HYDIN: variants seen among roughly 807,000 people sequenced by gnomAD.
HYDIN encodes the protein axonemal central pair apparatus protein HYDIN.
In HYDIN, 132 loss-of-function variants were observed where a neutral mutation model predicts 403.9. The ratio of observed to expected loss-of-function variants is 0.33; its 90% CI spans 0.28 to 0.38. HYDIN has a LOEUF of 0.38. Among genes scored for constraint, HYDIN ranks in the 10% least tolerant of loss-of-function variants. The pLI, the probability that HYDIN is intolerant of heterozygous loss-of-function variation, is 1.00. For synonymous variants in HYDIN, 1,202 were observed against 1,891.7 expected (o/e 0.64, Z 9.46); for missense variants, 2,827 against 5,009.5 (o/e 0.56, Z 13.15).
At chr16:71,202,989 C>A (rs1364526618) in intron 1 of HYDIN, among the ~76,000 whole-genome samples, 1 of 152,132 alleles carries the variant, frequency 6.6e-6, no homozygotes, top group Admixed American at 6.5e-5. Flanking sequence ...CATAATCCTT[C>A]CCTTGAATGA....
Position 70,847,118 on chromosome 16 carries a change from A to T in HYDIN, c.12873+2608T>A, listed in dbSNP as rs554428918. On this transcript the variant is annotated intron_variant, in intron 75 of 85. Transcript: ENST00000393567. ...AGCTGGTGATTTTGCTCGTTAGTTG[A>T]TGCAGTTTCTTCCTAGTCTCGATGG... Among the ~76,000 whole-genome samples, 743 of 151,588 alleles carry T rather than the reference A, an allele frequency of 4.9e-3. 6 individuals are homozygous for T. The highest frequency in any genetic ancestry group is 0.017 in the African/African-American group (716 of 41,316).
chr16:71,201,411 G>C (rs1192618709), intron 1 of HYDIN, among the ~76,000 whole-genome samples: 1 of 152,064 alleles, frequency 6.6e-6, no homozygotes, highest in East Asian at 1.9e-4. Context: ...TTACTATCCT[G>C]CATCCATCCC....
chr16:71,031,006 C>A (rs2080886938), intron 19 of HYDIN, among the ~76,000 whole-genome samples: 1 of 151,124 alleles, frequency 6.6e-6, no homozygotes, highest in Non-Finnish European at 1.5e-5. Context: ...CGAGACCATC[C>A]TGGCTAACAC....
intron 1 of HYDIN, among the ~76,000 whole-genome samples, chr16:71,203,146 T>C (rs1447719614): frequency 1.3e-5 from 2 of 152,140 alleles, no homozygotes; most frequent in African/African-American, 2.4e-5. Flanking sequence ...GCAGGGTGGA[T>C]AGATGCATAG....
At chr16:70,854,563 C>A (rs541753396) in intron 73 of HYDIN, among the ~76,000 whole-genome samples, 2 of 150,206 alleles carry the variant, frequency 1.3e-5, no homozygotes, top group Non-Finnish European at 3.0e-5. Context: ...TACAGGCGCC[C>A]GCCAACACGC....
At chr16:71,092,636 A>C (rs1568140370) in intron 11 of HYDIN, among the ~76,000 whole-genome samples, 2 of 150,068 alleles carry the variant, frequency 1.3e-5, no homozygotes, top group Admixed American at 6.6e-5. Context: ...GCTGGAGTGC[A>C]GTGGCGCGAT....
chr16:71,177,160 C>G (rs966523389), intron 4 of HYDIN, among the ~76,000 whole-genome samples: 1 of 152,224 alleles, frequency 6.6e-6, no homozygotes, highest in African/African-American at 2.4e-5. Context: ...TCCATGAGAA[C>G]TGAGTGTCTG....
intron 64 of HYDIN, among the ~76,000 whole-genome samples, chr16:70,872,583 C>T (rs1444173429): frequency 2.0e-5 from 3 of 150,458 alleles, no homozygotes; most frequent in Non-Finnish European, 4.4e-5. Context: ...CCATCATCAT[C>T]CATCCACCCA....
intron 10 of HYDIN, among the ~76,000 whole-genome samples, chr16:71,107,879 T>C (rs918014280): frequency 9.2e-5 from 14 of 152,174 alleles, no homozygotes; most frequent in Admixed American, 5.9e-4. Context: ...TATATGTTCA[T>C]TGCAGCACTA....
intron 75 of HYDIN, among the ~76,000 whole-genome samples, chr16:70,843,193 TC>T (rs2037955664): frequency 1.2e-5 from 1 of 82,888 alleles, no homozygotes; most frequent in African/African-American, 4.6e-5. Context: ...CCCTCCCCCC[TC>T]CCCCCACCCC....
At chr16:71,115,323 C>G (rs1443034162) in intron 10 of HYDIN, among the ~76,000 whole-genome samples, 1 of 152,170 alleles carries the variant, frequency 6.6e-6, no homozygotes, top group African/African-American at 2.4e-5. Context: ...TCCTCTTTGC[C>G]TTTCACCATG....
intron 3 of HYDIN, among the ~76,000 whole-genome samples, chr16:71,182,679 G>A (rs1459160122): frequency 6.6e-6 from 1 of 152,128 alleles, no homozygotes; most frequent in Non-Finnish European, 1.5e-5. Context: ...CATACATTAA[G>A]CTGACTATAT....
rs74025408 is a variant in HYDIN at position 71,052,195 on chromosome 16, A to G, written c.2529+8309T>C. Among the ~76,000 whole-genome samples the G allele has an allele frequency of 7.7e-3, 1,168 of 152,356 alleles. 8 individuals are homozygous for G. Among genetic ancestry groups the G allele is most frequent in the African/African-American group, 0.027 (1,114 of 41,574 alleles). ...CAAGCTGTTGAGGATCATGTAAAAT[A>G]ATACATACAAAAGGACTTAGAACAG... On this transcript the variant is annotated intron_variant, in intron 18 of 85. Transcript: ENST00000393567.
At chr16:70,896,459 C>T (rs2143735847) in intron 53 of HYDIN, among the ~76,000 whole-genome samples, 1 of 152,258 alleles carries the variant, frequency 6.6e-6, no homozygotes, top group African/African-American at 2.4e-5. Flanking sequence ...CTCAAGCCAT[C>T]CTCCCATCTC....
At chr16:70,813,902 T>G in intron 84 of HYDIN, among the ~76,000 whole-genome samples, 1 of 152,148 alleles carries the variant, frequency 6.6e-6, no homozygotes, top group Non-Finnish European at 1.5e-5. Context: ...TAGGATGCTC[T>G]GATATTGGCA....
chr16:71,230,636 C>G lies in HYDIN; in HGVS notation c.-98G>C. The G allele has an allele frequency of 6.5e-7, 1 of 1,535,996 alleles. No individual in the cohort carries two copies. Among genetic ancestry groups the G allele is most frequent in the African/African-American group, 1.4e-5 (1 of 73,148 alleles). On this transcript the variant is annotated 5_prime_UTR_variant, in exon 1 of 86. Transcript: ENST00000393567. ...GACCCCGCGTCCAACTCACAGACCC[C>G]GCCGCCGCTGAGGGGCTCCATACCC...
intron 75 of HYDIN, among the ~76,000 whole-genome samples, chr16:70,846,144 T>A (rs1400881749): frequency 1.4e-5 from 2 of 147,932 alleles, no homozygotes; most frequent in Non-Finnish European, 3.0e-5. Context: ...AGGGTGTCAA[T>A]TTTGGATCTT....
rs2078523334 is a variant in HYDIN, at chr16:70,964,806, C to T, written c.5710G>A (p.Glu1904Lys). The T allele has an allele frequency of 1.1e-5, 18 of 1,577,638 alleles. No homozygotes were observed. Among genetic ancestry groups the T allele is most frequent in the South Asian group, 2.2e-5 (2 of 90,248 alleles). The change falls in exon 37 of 86, where the codon GAG (glutamate) becomes AAG (lysine). Residue 1904 changes from glutamate (E) to lysine (K), a missense_variant. By Grantham distance (56) the Glu-to-Lys change is moderately conservative. Transcript: ENST00000393567. ...GACTTCTTTATCTCTTTGAAGTACT[C>T]GTACAGTTCTGGGGGCAGCTTCTCC... ...PGEKLPPELYEYFKEIKKSKE... is the reference protein window; with the variant it reads ...PGEKLPPELYKYFKEIKKSKE...
chr16:70,851,076 C>T (rs1394574), intron 73 of HYDIN, among the ~76,000 whole-genome samples: 10,455 of 151,634 alleles, frequency 0.069, 401 homozygotes, highest in Non-Finnish European at 0.086. Flanking sequence ...TCAAACTATA[C>T]GAAAACTAGA....
Sources: allele counts gnomAD v4.1 joint callset (sites outside exome capture counted in the v4.1 genomes callset), GRCh38; gene constraint gnomAD v4.1.1; transcripts MANE v1.5; gene names NCBI Gene and HGNC (gene_info 2026-07-23, HGNC 2026-07-21).